Variants in DTX3L observed in about 807,000 individuals in gnomAD.
The protein encoded by DTX3L is E3 ubiquitin-protein ligase DTX3L.
In DTX3L, 34 loss-of-function variants were observed where a neutral mutation model predicts 60.9. The ratio of observed to expected loss-of-function variants is 0.56; its 90% CI spans 0.42 to 0.74. The LOEUF is 0.74. Ranked by LOEUF, DTX3L falls within the 30% of genes least tolerant of loss-of-function variation. DTX3L has a pLI of 0.00. For missense variants in DTX3L, 810 were observed against 874.0 expected (o/e 0.93, Z 0.92); for synonymous variants, 290 against 316.6 (o/e 0.92, Z 0.89).
At position 122,570,029 on chromosome 3, in the gene DTX3L, G is replaced by A. The variant is rs375532994; in HGVS notation, c.1935+5G>A. On this transcript the variant is annotated splice_donor_5th_base_variant and intron_variant, in intron 3 of 4. Coordinates refer to ENST00000296161, the MANE Select transcript of DTX3L (RefSeq NM_138287.3). ...ATGAAAGCAGGCATACAAACAGTAA[G>A]TATTTCTCAAGTCCATGGGTTTCTT... The A allele has an allele frequency of 1.9e-6, 3 of 1,613,100 alleles. No individual in the cohort carries two copies. The African/African-American group carries it at 4.0e-5, about 22-fold the overall frequency.
At chr3:122,571,348 C>T (rs2080644452) in intron 4 of DTX3L, among the ~76,000 whole-genome samples, 1 of 152,236 alleles carries the variant, frequency 6.6e-6, no homozygotes, top group Admixed American at 6.5e-5. Context: ...GACATGAAGC[C>T]TCAAAGTAAA....
chr3:122,569,959 C>T lies in DTX3L; in HGVS notation c.1870C>T (p.Leu624Phe). Residue 624 changes from leucine (L) to phenylalanine (F), a missense_variant, in exon 3 of 5, where the codon CTT becomes TTT. Leu to Phe is a conservative substitution (Grantham distance 22). Coordinates refer to ENST00000296161, the MANE Select transcript of DTX3L (RefSeq NM_138287.3). ...GGTTTTCACTGTTTCAAGAGACTCA[C>T]TTCCAGGTTATGAGTCCTTTGGCAC... is the stretch of plus-strand genomic sequence containing the variant. ...SMVFTVSRDSLPGYESFGTIV... is the reference protein window; with the variant it reads ...SMVFTVSRDSFPGYESFGTIV... The T allele has an allele frequency of 6.2e-7, 1 of 1,614,092 alleles. No individual in the cohort carries two copies. Among genetic ancestry groups the T allele is most frequent in the Non-Finnish European group, 8.5e-7 (1 of 1,180,002 alleles).
rs1394707123 is a variant in DTX3L, at chr3:122,564,338, G to T, written c.-89G>T. ...GAGGGACCTCCAGGGAAGCGAAACT[G>T]AAACTTTGCGCCCAGTCCGCAGGGC... On this transcript the variant is annotated 5_prime_UTR_variant, in exon 1 of 5. Coordinates refer to ENST00000296161, the MANE Select transcript of DTX3L (RefSeq NM_138287.3). 59 of 1,438,990 alleles carry T rather than the reference G, an allele frequency of 4.1e-5. No homozygotes were observed. The highest frequency in any genetic ancestry group is 3.7e-6 in the Non-Finnish European group (4 of 1,076,608). The allele number at this position is 1,438,990 out of a possible 1,614,324, so 89.1% of individuals were successfully genotyped here.
Position 122,568,965 on chromosome 3 carries a change from GTCTTTTGCTAGTGAA to G in DTX3L, c.878_892del (p.Ser293_Glu297del). ...CAGGTGACCTGGAAGCAGCTCGTGA[GTCTTTTGCTAGTGAA>G]TTTCAGAAGAACACAGAACCTCTGA... On this transcript the variant is annotated inframe_deletion, in exon 3 of 5. Transcript: ENST00000296161. The G allele has an allele frequency of 6.2e-7, 1 of 1,614,126 alleles. No individual in the cohort carries two copies. The highest frequency in any genetic ancestry group is 1.1e-5 in the South Asian group (1 of 91,086).
Position 122,571,654 on chromosome 3 carries a change from C to T in DTX3L, c.2154-24C>T, listed in dbSNP as rs768009511. On this transcript the variant is annotated intron_variant, in intron 4 of 4. Coordinates refer to ENST00000296161, the MANE Select transcript of DTX3L (RefSeq NM_138287.3). ...CATATCCGAACAATTTGTGGTGACACTAAAGGAATTTTTGTTTCTTCAGGT... is the reference window on the plus strand; with the variant it reads ...CATATCCGAACAATTTGTGGTGACATTAAAGGAATTTTTGTTTCTTCAGGT... The T allele has an allele frequency of 5.6e-6, 9 of 1,596,936 alleles. 1 individual carries two copies. The South Asian group carries it at 8.9e-5, about 16-fold the overall frequency.
chr3:122,569,166 A>G lies in DTX3L; in HGVS notation c.1077A>G (p.Glu359=), dbSNP rs749483527. The part of the protein sequence containing the change: ...DISAAKQKIS[E]AFVKIPVKLF... ...CAGCTGCCAAACAAAAAATCTCTGA[A>G]GCTTTTGTCAAGATACCTGTGAAAC... Residue 359 remains glutamate (E), a synonymous_variant, in exon 3 of 5, where the codon GAA becomes GAG. Transcript: ENST00000296161. The G allele has an allele frequency of 3.7e-6, 6 of 1,614,084 alleles. No homozygotes were observed. Among genetic ancestry groups the G allele is most frequent in the Non-Finnish European group, 3.4e-6 (4 of 1,180,036 alleles).
intron 3 of DTX3L, 135 bp downstream of exon 3, chr3:122,570,159 T>G (rs1263712939): frequency 5.3e-6 from 5 of 948,046 alleles, no homozygotes; most frequent in Non-Finnish European, 8.0e-6. Flanking sequence ...GGGACTGAAA[T>G]AGTGGTAAAG....
chr3:122,569,518 A>G lies in DTX3L; in HGVS notation c.1429A>G (p.Arg477Gly), dbSNP rs771443638. 6 of 1,614,254 alleles carry G rather than the reference A, an allele frequency of 3.7e-6. No homozygotes were observed. In the South Asian group the frequency reaches 6.6e-5, roughly 18 times the overall value. ...CAAGTTTGCTGATGACTTTAGAAAA[A>G]GACATCCAAATGTACACTTTGTGCT... The part of the protein sequence containing the change: ...QTKFADDFRK[R>G]HPNVHFVLNQ... The change falls in exon 3 of 5, where the codon AGA (arginine) becomes GGA (glycine). Residue 477 changes from arginine (R) to glycine (G), a missense_variant. Coordinates refer to ENST00000296161, the MANE Select transcript of DTX3L (RefSeq NM_138287.3).
rs1443876108 is a variant in DTX3L at position 122,568,541 on chromosome 3, A to G, written c.452A>G (p.Gln151Arg). ...DLNCNLFSKE[Q>R]RAYITTLCPS... ...AACTGTAACCTGTTCTCCAAAGAGC[A>G]GAGGGCATACATAACCACACTGTGC... The change falls in exon 3 of 5, where the codon CAG becomes CGG. Residue 151 changes from glutamine to arginine, a missense_variant. Transcript: ENST00000296161. 1.2e-6 allele frequency: 2 copies of G among 1,614,092 alleles called. No individual in the cohort carries two copies. The highest frequency in any genetic ancestry group is 1.7e-5 in the Admixed American group (1 of 60,010).
At position 122,570,451 on chromosome 3, in the gene DTX3L, A is replaced by T; in HGVS notation, c.1936-4A>T. ...TCACATGACATTTTCTTGTTCTCACACAGGAAGAACACCCAAACCCAGGAA... is the reference window on the plus strand; with the variant it reads ...TCACATGACATTTTCTTGTTCTCACTCAGGAAGAACACCCAAACCCAGGAA... On this transcript the variant is annotated splice_polypyrimidine_tract_variant and splice_region_variant and intron_variant, in intron 3 of 4. Coordinates refer to ENST00000296161, the MANE Select transcript of DTX3L (RefSeq NM_138287.3). 5 of 1,613,832 alleles carry T rather than the reference A, an allele frequency of 3.1e-6. No individual in the cohort carries two copies. The highest frequency in any genetic ancestry group is 4.2e-6 in the Non-Finnish European group (5 of 1,179,764).
intron 2 of DTX3L, 143 bp downstream of exon 2, chr3:122,566,213 T>A: frequency 1.4e-6 from 1 of 703,492 alleles, no homozygotes; most frequent in South Asian, 1.9e-5. Flanking sequence ...GAGATGAATA[T>A]AACAGACAAG....
intron 1 of DTX3L, among the ~76,000 whole-genome samples, chr3:122,565,512 TAAAAAAAAAA>T (rs770609802): frequency 1.1e-4 from 6 of 53,102 alleles, no homozygotes; most frequent in African/African-American, 3.1e-4. Context: ...AGACTCCGTC[TAAAAAAAAAA>T]AAAAAAAAAA....
In DTX3L at chr3:122,571,663, T is replaced by G. The variant is rs200508455; in HGVS notation, c.2154-15T>G. ...ACAATTTGTGGTGACACTAAAGGAATTTTTGTTTCTTCAGGTATGGCTATC... is the reference window on the plus strand; with the variant it reads ...ACAATTTGTGGTGACACTAAAGGAAGTTTTGTTTCTTCAGGTATGGCTATC... On this transcript the variant is annotated splice_polypyrimidine_tract_variant and intron_variant, in intron 4 of 4. Transcript: ENST00000296161. 21 of 1,603,402 alleles carry G rather than the reference T, an allele frequency of 1.3e-5. No homozygotes were observed. Among genetic ancestry groups the G allele is most frequent in the Non-Finnish European group, 1.7e-6 (2 of 1,174,350 alleles).
intron 2 of DTX3L, 32 bp downstream of exon 2, chr3:122,566,102 T>C (rs372474164): frequency 1.9e-6 from 3 of 1,585,430 alleles, no homozygotes; most frequent in Non-Finnish European, 2.6e-6. Context: ...TGGCTGTGCC[T>C]GCGCCTCCTC....
chr3:122,564,438 C>G lies in DTX3L; in HGVS notation c.12C>G (p.His4Gln), dbSNP rs377225826. MASHLRPPSPLLVR... is the reference protein window; with the variant it reads MASQLRPPSPLLVR... ...CGACGCGCAGAGCCATGGCCTCCCACCTGCGCCCGCCGTCCCCGCTCCTCG... is the reference window on the plus strand; with the variant it reads ...CGACGCGCAGAGCCATGGCCTCCCAGCTGCGCCCGCCGTCCCCGCTCCTCG... Residue 4 changes from histidine (H) to glutamine (Q), a missense_variant, in exon 1 of 5, where the codon CAC becomes CAG. Physicochemically the swap from His to Gln is conservative, Grantham distance 24. Transcript: ENST00000296161. 1 of 1,610,546 alleles carries G rather than the reference C, an allele frequency of 6.2e-7. No individual in the cohort carries two copies. Among genetic ancestry groups the G allele is most frequent in the Non-Finnish European group, 8.5e-7 (1 of 1,178,846 alleles).
intron 4 of DTX3L, 23 bp downstream of exon 4, chr3:122,570,695 T>C (rs754171366): frequency 1.9e-6 from 3 of 1,611,842 alleles, no homozygotes; most frequent in Admixed American, 3.3e-5. Flanking sequence ...TGGGATGTAA[T>C]GGCTGCTCAA....
At position 122,566,014 on chromosome 3, in the gene DTX3L, G is replaced by A; in HGVS notation, c.343G>A (p.Asp115Asn). ...TQSQAETPSG[D>N]MHQHEGHIPN... ...ATCACAAGCAGAAACACCGTCTGGTGATATGCATCAACATGAAGGACATAT... is the reference window on the plus strand; with the variant it reads ...ATCACAAGCAGAAACACCGTCTGGTAATATGCATCAACATGAAGGACATAT... Residue 115 changes from aspartate to asparagine, a missense_variant, in exon 2 of 5, where the codon GAT becomes AAT. Physicochemically the swap from Asp to Asn is conservative, Grantham distance 23 (BLOSUM62 1). Coordinates refer to ENST00000296161, the MANE Select transcript of DTX3L (RefSeq NM_138287.3). 1.9e-6 allele frequency: 3 copies of A among 1,614,188 alleles called. No individual in the cohort carries two copies. The highest frequency in any genetic ancestry group is 2.5e-6 in the Non-Finnish European group (3 of 1,180,040).
chr3:122,569,432 T>C lies in DTX3L; in HGVS notation c.1343T>C (p.Leu448Ser). The change falls in exon 3 of 5, where the codon TTG becomes TCG. Residue 448 changes from leucine to serine, a missense_variant. Transcript: ENST00000296161. ...GCCTTTCAACATGCCTCATGTCAGT[T>C]GATGAGAGAAGTTCTTTTACTGAAG... The part of the protein sequence containing the change: ...IDAFQHASCQ[L>S]MREVLLLKSL... 6.2e-7 allele frequency: 1 copy of C among 1,614,168 alleles called. No individual in the cohort carries two copies. The highest frequency in any genetic ancestry group is 8.5e-7 in the Non-Finnish European group (1 of 1,180,028).
chr3:122,565,569 G>GA (rs1386676257), intron 1 of DTX3L, among the ~76,000 whole-genome samples: 1 of 149,314 alleles, frequency 6.7e-6, no homozygotes, highest in East Asian at 2.0e-4. Context: ...GGGAAAGAAG[G>GA]AAGAAGGAAA....
Sources: allele counts gnomAD v4.1 joint callset (sites outside exome capture counted in the v4.1 genomes callset), GRCh38; gene constraint gnomAD v4.1.1; transcripts MANE v1.5; gene names NCBI Gene and HGNC (gene_info 2026-07-23, HGNC 2026-07-21).